Variants in UQCRQ observed in about 807,000 individuals in gnomAD.
UQCRQ encodes ubiquinol-cytochrome c reductase complex III subunit VII.
A neutral mutation model predicts 7.9 loss-of-function variants in UQCRQ; 9 were observed. The observed-to-expected ratio is 1.13, with a 90% CI of 0.68 to 1.98. The LOEUF is 1.98. Ranked by LOEUF, UQCRQ falls within the 30% of genes most tolerant of loss-of-function variation. The pLI, the probability that UQCRQ is intolerant of heterozygous loss-of-function variation, is 0.00. For synonymous variants in UQCRQ, 50 were observed against 41.9 expected, an observed-to-expected ratio of 1.19 and a Z score of -0.75; for missense variants, 112 against 109.7, an observed-to-expected ratio of 1.02 and a Z score of -0.10.
intron 2 of UQCRQ, 109 bp downstream of exon 2, chr5:132,867,144 C>A: frequency 7.2e-7 from 1 of 1,391,932 alleles, no homozygotes; most frequent in South Asian, 1.2e-5. Flanking sequence ...TGTAACTTGC[C>A]GTACACACCT....
Position 132,867,704 on chromosome 5 carries a change from T to G in UQCRQ, c.*122T>G, listed in dbSNP as rs901118492. 1.2e-6 allele frequency: 1 copy of G among 801,552 alleles called. No individual in the cohort carries two copies. Among genetic ancestry groups the G allele is most frequent in the Non-Finnish European group, 2.1e-6 (1 of 473,386 alleles). The allele number at this position is 801,552 out of a possible 1,614,324, so 49.7% of individuals were successfully genotyped here. ...TGGTCTGCACTGTTGTGATATTACA[T>G]TTTTGTGAGTAGAATCCTGTGTGAC... On this transcript the variant is annotated 3_prime_UTR_variant, in exon 3 of 3. Transcript: ENST00000378670.
In UQCRQ at chr5:132,867,121, C is replaced by T. The variant is rs1197869313; in HGVS notation, c.154+86C>T. 6 of 1,562,038 alleles carry T rather than the reference C, an allele frequency of 3.8e-6. No individual in the cohort carries two copies. The South Asian group carries it at 6.8e-5, about 18-fold the overall frequency. On this transcript the variant is annotated intron_variant, in intron 2 of 2. Coordinates refer to ENST00000378670, the MANE Select transcript of UQCRQ (RefSeq NM_014402.5). ...CGCCTCCCCTCTGAGCGCTGGCGGC[C>T]GGGCAGGCGCTCTGTAACTTGCCGT...
At chr5:132,866,737 A>C in intron 1 of UQCRQ, 50 bp downstream of exon 1, 46 of 1,122,434 alleles carry the variant, frequency 4.1e-5, no homozygotes, top group Non-Finnish European at 4.8e-5. Flanking sequence ...CTGGGAGGCT[A>C]GGGGCGCCCC....
At position 132,868,779 on chromosome 5, in the gene UQCRQ, A is replaced by G. The variant is rs566458755; in HGVS notation, c.*1197A>G. 6.6e-5 allele frequency among the ~76,000 whole-genome samples: 10 copies of G among 152,248 alleles called. No homozygotes were observed. The South Asian group carries it at 2.1e-3, about 32-fold the overall frequency. On this transcript the variant is annotated 3_prime_UTR_variant, in exon 3 of 3. Coordinates refer to ENST00000378670, the MANE Select transcript of UQCRQ (RefSeq NM_014402.5). Reference sequence around the variant, plus strand: ...CAGGAGGCCAACAATGTTTTCAACCATATGTGGTTCATAAAGCCTCAAAGA... The same window carrying G: ...CAGGAGGCCAACAATGTTTTCAACCGTATGTGGTTCATAAAGCCTCAAAGA...
In UQCRQ at chr5:132,866,859, G is replaced by T; in HGVS notation, c.-13-10G>T. 1 of 1,612,114 alleles carries T rather than the reference G, an allele frequency of 6.2e-7. No homozygotes were observed. The highest frequency in any genetic ancestry group is 1.1e-5 in the South Asian group (1 of 91,056). ...GCGAGCCAAGCGCCTGTCCACCCTC[G>T]GTCCTGCAGGGCCGCCGCCACAATG... On this transcript the variant is annotated splice_polypyrimidine_tract_variant and intron_variant, in intron 1 of 2. Coordinates refer to ENST00000378670, the MANE Select transcript of UQCRQ (RefSeq NM_014402.5).
chr5:132,867,228 C>A, intron 2 of UQCRQ, 193 bp downstream of exon 2: 2 of 828,136 alleles, frequency 2.4e-6, no homozygotes, highest in Non-Finnish European at 3.7e-6. Context: ...GAAAACTGAG[C>A]TACAGAACTG....
intron 2 of UQCRQ, 168 bp from the exon 3 acceptor site, chr5:132,867,320 A>G: frequency 1.4e-6 from 1 of 719,704 alleles, no homozygotes; most frequent in Non-Finnish European, 2.4e-6. Flanking sequence ...CAGTGGTGAA[A>G]TGCTTTGTGT....
In UQCRQ at chr5:132,867,037, T is replaced by C; in HGVS notation, c.154+2T>C. On this transcript the variant is annotated splice_donor_variant, in intron 2 of 2. Coordinates refer to ENST00000378670, the MANE Select transcript of UQCRQ (RefSeq NM_014402.5). LOFTEE classifies it high-confidence loss of function. ...AGTCTTTCTTTCGCGTGGTGCCGCG[T>C]GAGTGCCTTGGGCCCGCGGGAGCGG... 6.2e-7 allele frequency: 1 copy of C among 1,613,732 alleles called. No individual in the cohort carries two copies. The highest frequency in any genetic ancestry group is 1.1e-5 in the South Asian group (1 of 91,088).
chr5:132,867,060 C>A (rs372277135), intron 2 of UQCRQ, 25 bp downstream of exon 2: 1 of 1,612,730 alleles, frequency 6.2e-7, no homozygotes, highest in African/African-American at 1.3e-5. Context: ...CCCGCGGGAG[C>A]GGGAGGCTGG....
rs1759632077 is a variant in UQCRQ at position 132,866,757 on chromosome 5, G to C, written c.-14+70G>C. 7.2e-6 allele frequency: 10 copies of C among 1,395,870 alleles called. No individual in the cohort carries two copies. The East Asian group carries it at 1.5e-4, about 21-fold the overall frequency. 86.5% of individuals were successfully genotyped at this position (1,395,870 alleles called of 1,614,324 possible). The stretch of plus-strand genomic sequence containing the variant: ...AGGCTAGGGGCGCCCCGCTGGGCTG[G>C]GAAAGGATAAGGAGTGCAGGGGCAG... On this transcript the variant is annotated intron_variant, in intron 1 of 2. Transcript: ENST00000378670.
Position 132,867,676 on chromosome 5 carries a change from C to T in UQCRQ, c.*94C>T, listed in dbSNP as rs779551201. On this transcript the variant is annotated 3_prime_UTR_variant, in exon 3 of 3. Coordinates refer to ENST00000378670, the MANE Select transcript of UQCRQ (RefSeq NM_014402.5). ...GTGTCTCAAAGACACAATAAACTTC[C>T]TATGGTCTGCACTGTTGTGATATTA... 2.0e-6 allele frequency: 2 copies of T among 980,484 alleles called. No individual in the cohort carries two copies. The highest frequency in any genetic ancestry group is 3.2e-6 in the Non-Finnish European group (2 of 624,154). 60.7% of individuals were successfully genotyped at this position (980,484 alleles called of 1,614,324 possible).
At chr5:132,866,808 C>G in intron 1 of UQCRQ, 61 bp from the exon 2 acceptor site, 3 of 1,592,590 alleles carry the variant, frequency 1.9e-6, no homozygotes, top group Non-Finnish European at 1.7e-6. Flanking sequence ...GATGGACCCC[C>G]GCGGGGACTG....
At position 132,867,472 on chromosome 5, in the gene UQCRQ, C is replaced by T. The variant is rs758744366; in HGVS notation, c.155-16C>T. The T allele has an allele frequency of 6.2e-7, 1 of 1,603,096 alleles. No homozygotes were observed. Among genetic ancestry groups the T allele is most frequent in the East Asian group, 2.2e-5 (1 of 44,812 alleles). On this transcript the variant is annotated splice_polypyrimidine_tract_variant and intron_variant, in intron 2 of 2. Coordinates refer to ENST00000378670, the MANE Select transcript of UQCRQ (RefSeq NM_014402.5). The stretch of plus-strand genomic sequence containing the variant: ...CTTATATGTGTGCTCTCTGTTTACT[C>T]TCTTAATTTTTAAAGAGTTTGTAGT...
Position 132,867,789 on chromosome 5 carries a change from G to A in UQCRQ, c.*207G>A, listed in dbSNP as rs1759676927. 32 of 571,236 alleles carry A rather than the reference G, an allele frequency of 5.6e-5. No homozygotes were observed. In the South Asian group the frequency reaches 6.0e-4, roughly 11 times the overall value. The allele number at this position is 571,236 out of a possible 1,614,324, so 35.4% of individuals were successfully genotyped here. ...AGCATGAGTCTTGAAGTTTTGCCTG[G>A]TCTCGGGTTTTGGTGAAAGAGCAGG... On this transcript the variant is annotated 3_prime_UTR_variant, in exon 3 of 3. Transcript: ENST00000378670.
chr5:132,867,793 C>G lies in UQCRQ; in HGVS notation c.*211C>G, dbSNP rs984275657. ...TGAGTCTTGAAGTTTTGCCTGGTCT[C>G]GGGTTTTGGTGAAAGAGCAGGGCTC... On this transcript the variant is annotated 3_prime_UTR_variant, in exon 3 of 3. Coordinates refer to ENST00000378670, the MANE Select transcript of UQCRQ (RefSeq NM_014402.5). 2 of 565,928 alleles carry G rather than the reference C, an allele frequency of 3.5e-6. No individual in the cohort carries two copies. Among genetic ancestry groups the G allele is most frequent in the Admixed American group, 2.9e-5 (1 of 34,616 alleles). The allele number at this position is 565,928 out of a possible 1,614,324, so 35.1% of individuals were successfully genotyped here. A position where few individuals can be genotyped will look rare whatever the true frequency, so the allele number is the denominator to read the frequency against.
intron 2 of UQCRQ, 128 bp downstream of exon 2, chr5:132,867,163 G>C (rs976552903): frequency 1.9e-5 from 23 of 1,236,194 alleles, no homozygotes; most frequent in Non-Finnish European, 2.6e-5. Context: ...CTTTCTCATT[G>C]AATATTCCTG....
chr5:132,867,085 A>T, intron 2 of UQCRQ, 50 bp downstream of exon 2: 1 of 1,609,732 alleles, frequency 6.2e-7, no homozygotes, highest in Non-Finnish European at 8.5e-7. Context: ...CAGCAGCAGC[A>T]GCAGTCACTG....
At position 132,867,560 on chromosome 5, in the gene UQCRQ, C is replaced by T. The variant is rs1465085806; in HGVS notation, c.227C>T (p.Ala76Val). The change falls in exon 3 of 3, where the codon GCT becomes GTT. Residue 76 changes from alanine to valine, a missense_variant. By Grantham distance (64) the Ala-to-Val change is moderately conservative. Coordinates refer to ENST00000378670, the MANE Select transcript of UQCRQ (RefSeq NM_014402.5). Reference protein sequence around the residue: ...EFERSKRKNPAAYENDK With the variant: ...EFERSKRKNPVAYENDK ...GAGAGATCCAAGAGGAAGAATCCAG[C>T]TGCCTATGAAAATGACAAATGAGCA... The T allele has an allele frequency of 1.2e-6, 2 of 1,614,016 alleles. No individual in the cohort carries two copies. Among genetic ancestry groups the T allele is most frequent in the African/African-American group, 2.7e-5 (2 of 74,922 alleles).
Position 132,866,995 on chromosome 5 carries a change from T to A in UQCRQ, c.114T>A (p.Val38=). 1.9e-6 allele frequency: 3 copies of A among 1,614,060 alleles called. No homozygotes were observed. The highest frequency in any genetic ancestry group is 2.5e-6 in the Non-Finnish European group (3 of 1,179,950). Residue 38 remains valine (V), a synonymous_variant, in exon 2 of 3, where the codon GTT becomes GTA. Transcript: ENST00000378670. The stretch of plus-strand genomic sequence containing the variant: ...TCTTCACTAAAGGAATCCCCAATGT[T>A]CTGCGCCGCATTCGGGAGTCTTTCT... The part of the protein sequence containing the change: ...PHVFTKGIPN[V]LRRIRESFFR...
Sources: gnomAD v4.1 joint callset for allele counts (sites outside exome capture counted in the v4.1 genomes callset) on GRCh38, gnomAD v4.1.1 for gene constraint, MANE v1.5 for transcripts, NCBI Gene and HGNC (gene_info 2026-07-23, HGNC 2026-07-21) for gene names.